Variants in KCNMA1 observed in about 807,000 individuals in gnomAD.
KCNMA1 encodes the protein potassium calcium-activated channel subfamily M alpha 1.
KCNMA1 carries 29 observed loss-of-function variants against 140.0 expected under a neutral mutation model. The ratio of observed to expected loss-of-function variants is 0.21; its 90% confidence interval spans 0.15 to 0.28. The LOEUF (loss-of-function observed/expected upper bound fraction) is 0.28, where lower values mean the gene tolerates loss of function less well. KCNMA1 is among the 10% of genes least tolerant of loss of function. The pLI is 1.00. For synonymous variants in KCNMA1, 612 were observed against 611.9 expected (o/e 1.00, Z 0.00); for missense variants, 880 against 1,602.2 (o/e 0.55, Z 7.70).
chr10:76,987,391 G>A (rs941212967), intron 19 of KCNMA1, among the ~76,000 whole-genome samples: 3 of 152,190 alleles, frequency 2.0e-5, no homozygotes, highest in Admixed American at 6.5e-5. Context: ...CAGTACTTGA[G>A]CTGTACCTTC....
chr10:77,521,153 A>C (rs1453873633), intron 1 of KCNMA1, among the ~76,000 whole-genome samples: 3 of 152,204 alleles, frequency 2.0e-5, no homozygotes, highest in African/African-American at 4.8e-5. Flanking sequence ...TTCCAGCCAA[A>C]GAAAACAGCA....
intron 1 of KCNMA1, among the ~76,000 whole-genome samples, chr10:77,576,198 A>C (rs1409483852): frequency 1.3e-5 from 2 of 152,192 alleles, no homozygotes. Context: ...AGCAGGCCTG[A>C]CTGCCAAATC....
At position 76,944,086 on chromosome 10, in the gene KCNMA1, C is replaced by T. The variant is rs1218996107; in HGVS notation, c.2902+687G>A. 2.0e-5 allele frequency among the ~76,000 whole-genome samples: 3 copies of T among 152,270 alleles called. No homozygotes were observed. The East Asian group carries it at 5.8e-4, about 29-fold the overall frequency. On this transcript the variant is annotated intron_variant, in intron 23 of 27. Transcript: ENST00000286628. ...ATCCTATCCTGCCAGATCCTGATTACAGAGGTCATTTTTTATGAAGGTTTT... is the reference window on the plus strand; with the variant it reads ...ATCCTATCCTGCCAGATCCTGATTATAGAGGTCATTTTTTATGAAGGTTTT...
At chr10:77,086,440 A>G in intron 11 of KCNMA1, 48 bp downstream of exon 11, 2 of 1,401,454 alleles carry the variant, frequency 1.4e-6, no homozygotes, top group Non-Finnish European at 2.0e-6. Context: ...CTCCCCCCAG[A>G]CCCACACCAA....
At chr10:77,557,467 T>C (rs1051153285) in intron 1 of KCNMA1, among the ~76,000 whole-genome samples, 5 of 152,166 alleles carry the variant, frequency 3.3e-5, no homozygotes, top group Non-Finnish European at 4.4e-5. Context: ...TCAACACTGT[T>C]TATACAGTTC....
rs1374373818 is a variant in KCNMA1 at position 76,889,701 on chromosome 10, G to C, written c.3343-132C>G. Reference sequence around the variant, plus strand: ...CAAGTTGGAGGGTCCATGTGCCAAGGGACGGCAGTGGAAGAAGTCAACATG... The same window carrying C: ...CAAGTTGGAGGGTCCATGTGCCAAGCGACGGCAGTGGAAGAAGTCAACATG... On this transcript the variant is annotated intron_variant, in intron 26 of 27. Transcript: ENST00000286628. The C allele has an allele frequency of 5.2e-6, 4 of 764,736 alleles. No homozygotes were observed. In the African/African-American group the frequency reaches 6.8e-5, roughly 13 times the overall value. The allele number at this position is 764,736 out of a possible 1,614,324, so 47.4% of individuals were successfully genotyped here. A position where few individuals can be genotyped will look rare whatever the true frequency, so the allele number is the denominator to read the frequency against.
chr10:77,447,030 G>A (rs539202228), intron 1 of KCNMA1, among the ~76,000 whole-genome samples: 2 of 152,254 alleles, frequency 1.3e-5, no homozygotes, highest in South Asian at 2.1e-4. Flanking sequence ...ACCTCACCTC[G>A]AAGAAGGACT....
chr10:77,624,777 T>A (rs982695207), intron 1 of KCNMA1, among the ~76,000 whole-genome samples: 5 of 152,068 alleles, frequency 3.3e-5, no homozygotes, highest in African/African-American at 1.2e-4. Context: ...CGGCGCTCCC[T>A]TAACTTCACT....
At chr10:77,182,202 C>T (rs2154122400) in intron 5 of KCNMA1, among the ~76,000 whole-genome samples, 1 of 152,164 alleles carries the variant, frequency 6.6e-6, no homozygotes, top group African/African-American at 2.4e-5. Context: ...TAGAATTATA[C>T]AAATATATGA....
intron 5 of KCNMA1, among the ~76,000 whole-genome samples, chr10:77,165,552 T>C (rs2098631554): frequency 6.6e-6 from 1 of 152,218 alleles, no homozygotes; most frequent in African/African-American, 2.4e-5. Context: ...AAAATGATAA[T>C]GCAAACAATT....
intron 1 of KCNMA1, among the ~76,000 whole-genome samples, chr10:77,615,508 G>A (rs2089085987): frequency 6.6e-6 from 1 of 152,132 alleles, no homozygotes; most frequent in Non-Finnish European, 1.5e-5. Context: ...GGGACTGCTG[G>A]AGCCACCAGG....
At chr10:77,558,604 G>A (rs947604888) in intron 1 of KCNMA1, among the ~76,000 whole-genome samples, 1 of 152,172 alleles carries the variant, frequency 6.6e-6, no homozygotes, top group African/African-American at 2.4e-5. Flanking sequence ...ACAGACCCCT[G>A]TGGTGGGTGT....
intron 2 of KCNMA1, among the ~76,000 whole-genome samples, chr10:77,254,225 T>TTC (rs386371888): frequency 8.6e-5 from 1 of 11,600 alleles, no homozygotes; most frequent in Non-Finnish European, 1.8e-4. Flanking sequence ...AAATATACTC[T>TTC]TTTTTTTTTT....
At chr10:77,594,080 T>A (rs7073856) in intron 1 of KCNMA1, among the ~76,000 whole-genome samples, 6,191 of 151,796 alleles carry the variant, frequency 0.041, 459 homozygotes, top group African/African-American at 0.14. Context: ...GAAATGGGAG[T>A]GTGAAGAAAA....
In KCNMA1 at chr10:77,051,770, T is replaced by G. The variant is rs139161561; in HGVS notation, c.1750-12133A>C. 6.3e-4 allele frequency among the ~76,000 whole-genome samples: 96 copies of G among 152,220 alleles called. 1 individual carries two copies. The East Asian group carries it at 0.013, about 21-fold the overall frequency. On this transcript the variant is annotated intron_variant, in intron 14 of 27. Coordinates refer to ENST00000286628, the MANE Select transcript of KCNMA1 (RefSeq NM_001161352.2). Reference sequence around the variant, plus strand: ...CTCCTGAGCCAAGGAGCATAACCTCTCCAAGCCTTAATTCCCTTCACCTGC... The same window carrying G: ...CTCCTGAGCCAAGGAGCATAACCTCGCCAAGCCTTAATTCCCTTCACCTGC...
intron 1 of KCNMA1, among the ~76,000 whole-genome samples, chr10:77,599,445 A>G (rs538091532): frequency 6.6e-6 from 1 of 151,984 alleles, no homozygotes; most frequent in Non-Finnish European, 1.5e-5. Flanking sequence ...TTATGTCTCT[A>G]TTGGTTTTCT....
At chr10:77,387,527 G>GTTTTCTTTTCTT (rs2095645804) in intron 2 of KCNMA1, among the ~76,000 whole-genome samples, 1 of 139,322 alleles carries the variant, frequency 7.2e-6, no homozygotes, top group African/African-American at 2.9e-5. Flanking sequence ...TCATGGAATT[G>GTTTTCTTTTCTT]TTCTTTTCTT....
intron 2 of KCNMA1, among the ~76,000 whole-genome samples, chr10:77,263,242 C>T (rs2062500363): frequency 1.3e-5 from 2 of 152,260 alleles, no homozygotes; most frequent in South Asian, 4.1e-4. Flanking sequence ...AATCTATCCC[C>T]ATGTAGCCAC....
At chr10:77,509,398 G>T (rs181871183) in intron 1 of KCNMA1, among the ~76,000 whole-genome samples, 3 of 152,254 alleles carry the variant, frequency 2.0e-5, no homozygotes, top group African/African-American at 7.2e-5. Flanking sequence ...GATTATAGGC[G>T]TGAGCCACCA....
Sources: allele counts gnomAD v4.1 joint callset (sites outside exome capture counted in the v4.1 genomes callset), GRCh38; gene constraint gnomAD v4.1.1; transcripts MANE v1.5; gene names NCBI Gene and HGNC (gene_info 2026-07-23, HGNC 2026-07-21).